Variants in ADAR observed in about 807,000 individuals in gnomAD.
ADAR encodes adenosine deaminase RNA specific.
In ADAR, 41 loss-of-function variants were observed where a neutral mutation model predicts 113.2. That is an observed-to-expected ratio of 0.36 (90% CI 0.28 to 0.47). ADAR has a LOEUF of 0.47. Ranked by LOEUF, ADAR falls within the 20% of genes least tolerant of loss-of-function variation. The pLI, the probability that ADAR is intolerant of heterozygous loss-of-function variation, is 1.00. For missense variants in ADAR, 1,242 were observed against 1,540.9 expected (o/e 0.81, Z 3.25); for synonymous variants, 605 against 572.6 (o/e 1.06, Z -0.81).
chr1:154,589,517 A>G (rs1251061041), intron 8 of ADAR, 55 bp from the exon 9 acceptor site: 6 of 1,482,370 alleles, frequency 4.0e-6, no homozygotes, highest in Non-Finnish European at 5.7e-6. Flanking sequence ...GATGGAAAAC[A>G]GGATGAAGGC....
intron 4 of ADAR, 26 bp from the exon 5 acceptor site, chr1:154,597,293 G>A (rs1697567185): frequency 6.2e-7 from 1 of 1,613,912 alleles, no homozygotes; most frequent in Non-Finnish European, 8.5e-7. Context: ...GCACGTAGAA[G>A]GATTAAAATG....
Position 154,601,387 on chromosome 1 carries a change from A to C in ADAR, c.1255T>G (p.Leu419Val). The stretch of plus-strand genomic sequence containing the variant: ...GGTCTGGCCTCTTGCCTGTTTTCTA[A>C]CTTTATGACAGGTTCCTGCCCATTC... ...VENGQEPVIKLENRQEARPEP... is the reference protein window; with the variant it reads ...VENGQEPVIKVENRQEARPEP... The change falls in exon 2 of 15, where the codon TTA becomes GTA. Residue 419 changes from leucine to valine, a missense_variant. Around this residue, in one of 2 missense-constraint regions of ADAR, gnomAD observed 780 missense variants for 1,057.9 expected, o/e 0.74. Coordinates refer to ENST00000368474, the MANE Select transcript of ADAR (RefSeq NM_001111.5). The surrounding 1 kb of genome is among the most constrained non-coding windows in gnomAD (Gnocchi z 4.7). The C allele has an allele frequency of 6.2e-7, 1 of 1,614,212 alleles. No individual in the cohort carries two copies. Among genetic ancestry groups the C allele is most frequent in the Non-Finnish European group, 8.5e-7 (1 of 1,180,042 alleles).
Position 154,585,740 on chromosome 1 carries a change from G to A in ADAR, c.3315+13C>T. 1.9e-6 allele frequency: 3 copies of A among 1,598,384 alleles called. No individual in the cohort carries two copies. The South Asian group carries it at 3.3e-5, about 18-fold the overall frequency. On this transcript the variant is annotated intron_variant, in intron 13 of 14. Transcript: ENST00000368474. ...AGGAAAATGTCAGGGAAAATAGAAGGGGGTTATAGCACCTTGGGGTGGTTG... is the reference window on the plus strand; with the variant it reads ...AGGAAAATGTCAGGGAAAATAGAAGAGGGTTATAGCACCTTGGGGTGGTTG...
chr1:154,585,382 C>T lies in ADAR; in HGVS notation c.3316-38G>A, dbSNP rs889229390. The T allele has an allele frequency of 3.1e-6, 5 of 1,613,664 alleles. No homozygotes were observed. In the African/African-American group the frequency reaches 6.7e-5, roughly 22 times the overall value. ...GAAGCAACGGGAGAAAGATGGAAACCTTTCAGGAATAAGATTCTGAAGCAG... is the reference window on the plus strand; with the variant it reads ...GAAGCAACGGGAGAAAGATGGAAACTTTTCAGGAATAAGATTCTGAAGCAG... On this transcript the variant is annotated intron_variant, in intron 13 of 14. Transcript: ENST00000368474.
chr1:154,622,078 C>T (rs1351676645), intron 1 of ADAR, among the ~76,000 whole-genome samples: 4 of 152,014 alleles, frequency 2.6e-5, no homozygotes, highest in Admixed American at 2.6e-4. Flanking sequence ...TGGGTTTAGG[C>T]CCTCCCTGGG....
intron 2 of ADAR, among the ~76,000 whole-genome samples, chr1:154,599,097 C>G (rs1159053357): frequency 6.6e-6 from 1 of 152,186 alleles, no homozygotes; most frequent in African/African-American, 2.4e-5. Flanking sequence ...GTCCCTAGAC[C>G]TATATCACCG....
In ADAR at chr1:154,608,127, G is replaced by C. The variant is rs1698325062; in HGVS notation, c.-121C>G. The C allele has an allele frequency of 3.1e-6, 4 of 1,302,916 alleles. No individual in the cohort carries two copies. Among genetic ancestry groups the C allele is most frequent in the Admixed American group, 3.6e-5 (1 of 27,508 alleles). 80.7% of individuals were successfully genotyped at this position (1,302,916 alleles called of 1,614,324 possible). On this transcript the variant is annotated 5_prime_UTR_variant, in exon 1 of 15. Coordinates refer to ENST00000368474, the MANE Select transcript of ADAR (RefSeq NM_001111.5). ...GCTACTCCGCACTGGAAGTGGCCCC[G>C]GGGCGTCGGCACGGGAAACTCCGCG...
chr1:154,605,473 T>A (rs1241183687), intron 1 of ADAR, among the ~76,000 whole-genome samples: 1 of 151,474 alleles, frequency 6.6e-6, no homozygotes, highest in Non-Finnish European at 1.5e-5. Context: ...CATTGCAGTG[T>A]CTGAAAGGTA....
Position 154,598,525 on chromosome 1 carries a change from C to T in ADAR, c.1662G>A (p.Lys554=). The T allele has an allele frequency of 6.2e-7, 1 of 1,614,230 alleles. No homozygotes were observed. Among genetic ancestry groups the T allele is most frequent in the Non-Finnish European group, 8.5e-7 (1 of 1,180,042 alleles). The change falls in exon 3 of 15, where the codon AAG becomes AAA. Residue 554 remains lysine (K), a synonymous_variant. Transcript: ENST00000368474. ...REFPPAEAGS[K]KVAKQDAAMK... ...TAGCTGCATCCTGCTTGGCCACTTT[C>T]TTGCTTCCAGCTTCAGCTGGGGGAA...
intron 1 of ADAR, among the ~76,000 whole-genome samples, chr1:154,624,261 G>A (rs984756637): frequency 2.6e-5 from 4 of 152,160 alleles, no homozygotes; most frequent in Non-Finnish European, 5.9e-5. Flanking sequence ...TCCTTTTGGA[G>A]AAGAGCTTCA....
At chr1:154,626,520 A>C (rs1182174936) in intron 1 of ADAR, among the ~76,000 whole-genome samples, 1 of 152,186 alleles carries the variant, frequency 6.6e-6, no homozygotes, top group Non-Finnish European at 1.5e-5. Context: ...CCAAGTCTGC[A>C]TATCATATCT....
At position 154,618,176 on chromosome 1, in the gene ADAR, C is replaced by T. The variant is rs149626761; in HGVS notation, c.-871+9679G>A. ...AATGTTTTATTTGCTATTAAGAATA[C>T]CATATTCTTAATAGCAAATAAAACA... On this transcript the variant is annotated intron_variant, in intron 1 of 14. Transcript: ENST00000368471. Among the ~76,000 whole-genome samples the T allele has an allele frequency of 9.9e-3, 1,481 of 148,940 alleles. 9 individuals are homozygous for T. Among genetic ancestry groups the T allele is most frequent in the Admixed American group, 0.016 (235 of 14,974 alleles).
At chr1:154,585,405 C>A in intron 13 of ADAR, 61 bp from the exon 14 acceptor site, 1 of 1,610,738 alleles carries the variant, frequency 6.2e-7, no homozygotes, top group South Asian at 1.1e-5. Flanking sequence ...GATTCTGAAG[C>A]AGGGACTCAA....
intron 1 of ADAR, among the ~76,000 whole-genome samples, chr1:154,617,314 C>G (rs1205666184): frequency 6.6e-6 from 1 of 152,178 alleles, no homozygotes; most frequent in African/African-American, 2.4e-5. Flanking sequence ...TGGTTCTCTG[C>G]TGGGCAGTAA....
rs1404371210 is a variant in ADAR at position 154,601,086 on chromosome 1, C to T, written c.1556G>A (p.Cys519Tyr). The stretch of plus-strand genomic sequence containing the variant: ...ACTCTGCTCTATCATGTTGAACTCA[C>T]AGGTTTGACTAGCGAACTGGGCATA... ...LEYAQFASQT[C>Y]EFNMIEQSGP... The change falls in exon 2 of 15, where the codon TGT becomes TAT. Residue 519 changes from cysteine (C) to tyrosine (Y), a missense_variant. By Grantham distance (194) the Cys-to-Tyr change is radical. Transcript: ENST00000368474. The surrounding 1 kb of genome is among the most constrained non-coding windows in gnomAD (Gnocchi z 4.7). 1 of 1,614,106 alleles carries T rather than the reference C, an allele frequency of 6.2e-7. No individual in the cohort carries two copies. The highest frequency in any genetic ancestry group is 8.5e-7 in the Non-Finnish European group (1 of 1,180,048).
chr1:154,614,268 C>T (rs1175125479), intron 1 of ADAR, among the ~76,000 whole-genome samples: 4 of 152,302 alleles, frequency 2.6e-5, no homozygotes, highest in Middle Eastern at 6.8e-3. Context: ...GCCGCTTCTC[C>T]GATGCTAGAT....
intron 1 of ADAR, among the ~76,000 whole-genome samples, chr1:154,607,751 A>ACACACT (rs1698294612): frequency 6.7e-6 from 1 of 148,884 alleles, no homozygotes; most frequent in African/African-American, 2.5e-5. Flanking sequence ...ACACACACAC[A>ACACACT]CTCTCACAAG....
chr1:154,592,460 T>G (rs1552901), intron 6 of ADAR, among the ~76,000 whole-genome samples: 150,867 of 152,342 alleles, frequency 0.99, 74,717 homozygotes, highest in East Asian at 1. Context: ...AAATAAAGTA[T>G]AAAGATCAGT....
At chr1:154,612,098 A>C (rs769009054), upstream of ADAR, among the ~76,000 whole-genome samples, 47 of 152,314 alleles carry the variant, frequency 3.1e-4, no homozygotes, top group Admixed American at 1.8e-3. Flanking sequence ...CATGTTTACA[A>C]CAACAGTCTT....
Sources: allele counts gnomAD v4.1 joint callset (sites outside exome capture counted in the v4.1 genomes callset), GRCh38; gene constraint gnomAD v4.1.1; regional missense constraint gnomAD v4.1.1; non-coding constraint Gnocchi (gnomAD v3.1); transcripts MANE v1.5; gene names NCBI Gene and HGNC (gene_info 2026-07-23, HGNC 2026-07-21).